Variants in HSPG2 observed in about 807,000 individuals in gnomAD.
HSPG2 encodes basement membrane-specific heparan sulfate proteoglycan core protein.
A neutral mutation model predicts 526.6 loss-of-function variants in HSPG2; 278 were observed. That is an observed-to-expected ratio of 0.53 (90% CI 0.48 to 0.58). HSPG2 has a LOEUF of 0.58. Among genes scored for constraint, HSPG2 ranks in the 20% least tolerant of loss-of-function variants. HSPG2 has a pLI of 0.00. For missense variants in HSPG2, 5,354 were observed against 6,099.5 expected (o/e 0.88, Z 4.07); for synonymous variants, 2,465 against 2,555.4 (o/e 0.96, Z 1.07).
chr1:21,823,970 C>A (rs2152682928), intron 95 of HSPG2, 151 bp downstream of exon 95: 1 of 861,734 alleles, frequency 1.2e-6, no homozygotes, highest in East Asian at 2.7e-5. Context: ...GAGATGGAAG[C>A]CCGAGCCCTG....
chr1:21,890,547 G>T lies in HSPG2; in HGVS notation c.354+38C>A, dbSNP rs754899953. On this transcript the variant is annotated intron_variant, in intron 4 of 96. Transcript: ENST00000374695. This position sits in a 1 kb window ranked among gnomAD's most constrained non-coding sequence, Gnocchi z 4.1. ...TTCACCCCATCCTCGGTCCTGCCCCGCCACACCCGCGAGCTTCCCAAACCC... is the reference window on the plus strand; with the variant it reads ...TTCACCCCATCCTCGGTCCTGCCCCTCCACACCCGCGAGCTTCCCAAACCC... 8 of 1,607,528 alleles carry T rather than the reference G, an allele frequency of 5.0e-6. No individual in the cohort carries two copies. In the South Asian group the frequency reaches 7.7e-5, roughly 15 times the overall value.
Position 21,843,388 on chromosome 1 carries a change from G to C in HSPG2, c.8667C>G (p.Gly2889=), listed in dbSNP as rs138583401. ...TTCCGGTCACTTGGCACGAGTACTC[G>C]CCAGAGTCAGCCGGGGACACCTGGT... The part of the protein sequence containing the change: ...RLNQVSPADS[G]EYSCQVTGSS... The change falls in exon 66 of 97, where the codon GGC becomes GGG. Residue 2889 remains glycine (G), a synonymous_variant. Coordinates refer to ENST00000374695, the MANE Select transcript of HSPG2 (RefSeq NM_005529.7). 3.1e-6 allele frequency: 5 copies of C among 1,613,762 alleles called. No homozygotes were observed. Among genetic ancestry groups the C allele is most frequent in the Non-Finnish European group, 4.2e-6 (5 of 1,179,934 alleles).
At chr1:21,856,035 G>C (rs1331272650) in intron 44 of HSPG2, 123 bp from the exon 45 acceptor site, 1 of 1,310,118 alleles carries the variant, frequency 7.6e-7, no homozygotes, top group Non-Finnish European at 1.0e-6. Context: ...GTGCACACAG[G>C]AGCCAGAGGG....
intron 28 of HSPG2, 68 bp downstream of exon 28, chr1:21,874,338 G>A: frequency 6.3e-7 from 1 of 1,595,884 alleles, no homozygotes. Context: ...GGCCCTGGAT[G>A]AAGCGGGTGT....
In HSPG2 at chr1:21,839,791, G is replaced by A; in HGVS notation, c.9709+31C>T. The stretch of plus-strand genomic sequence containing the variant: ...TCAGACCCCAGGGCATCCCTGCCCT[G>A]CCAGCCCTATGTGCCAGCCCTTGGT... On this transcript the variant is annotated intron_variant, in intron 72 of 96. Transcript: ENST00000374695. The surrounding 1 kb of genome is among the most constrained non-coding windows in gnomAD (Gnocchi z 4.5). 6.2e-7 allele frequency: 1 copy of A among 1,609,166 alleles called. No homozygotes were observed. The highest frequency in any genetic ancestry group is 8.5e-7 in the Non-Finnish European group (1 of 1,178,058).
intron 80 of HSPG2, chr1:21,832,856 G>C: frequency 1.7e-6 from 1 of 586,350 alleles, no homozygotes; most frequent in Non-Finnish European, 3.0e-6. Context: ...TCAAGGGGGA[G>C]AGGGAGGCAG....
chr1:21,896,098 T>C (rs1333633131), intron 2 of HSPG2, 77 bp downstream of exon 2: 27 of 1,607,570 alleles, frequency 1.7e-5, no homozygotes, highest in Non-Finnish European at 2.2e-5. Flanking sequence ...TCGGTCACCC[T>C]CCTCCCCCAT....
intron 70 of HSPG2, 61 bp from the exon 71 acceptor site, chr1:21,841,346 C>T: frequency 6.2e-7 from 1 of 1,601,156 alleles, no homozygotes; most frequent in South Asian, 1.1e-5. Flanking sequence ...ACCCACACTG[C>T]CATGGCCTCC....
intron 70 of HSPG2, 55 bp from the exon 71 acceptor site, chr1:21,841,340 A>G: frequency 6.2e-7 from 1 of 1,605,446 alleles, no homozygotes; most frequent in Non-Finnish European, 8.5e-7. Context: ...CTGCTCACCC[A>G]CACTGCCATG....
chr1:21,831,360 G>A, intron 83 of HSPG2, 36 bp from the exon 84 acceptor site: 5 of 1,607,250 alleles, frequency 3.1e-6, no homozygotes, highest in Non-Finnish European at 4.3e-6. Context: ...CACAGGGCAG[G>A]GTGTCCCAGC....
chr1:21,835,303 C>G, intron 76 of HSPG2: 1 of 604,462 alleles, frequency 1.7e-6, no homozygotes, highest in Non-Finnish European at 3.0e-6. Flanking sequence ...CTGATTCAAT[C>G]TTCATCGGTT....
In HSPG2 at chr1:21,898,340, C is replaced by T. The variant is rs751190137; in HGVS notation, c.64-2030G>A. Among the ~76,000 whole-genome samples the T allele has an allele frequency of 3.3e-5, 5 of 152,346 alleles. No homozygotes were observed. Among genetic ancestry groups the T allele is most frequent in the African/African-American group, 7.2e-5 (3 of 41,572 alleles). ...AAAGCCCTTACCCCCAACAATCCAG[C>T]GGCAAATGTTGCCTCCTGTTCCTTC... On this transcript the variant is annotated intron_variant, in intron 1 of 96. Transcript: ENST00000374695. This position sits in a 1 kb window ranked among gnomAD's most constrained non-coding sequence, Gnocchi z 4.0.
At position 21,833,290 on chromosome 1, in the gene HSPG2, G is replaced by A. The variant is rs562839895; in HGVS notation, c.11073C>T (p.Thr3691=). 3.7e-6 allele frequency: 6 copies of A among 1,614,154 alleles called. No individual in the cohort carries two copies. In the African/African-American group the frequency reaches 5.3e-5, roughly 14 times the overall value. ...DAYRKFEIKI[T]FRPDSADGML... Reference sequence around the variant, plus strand: ...CACCATCGGCTGAGTCGGGCCGGAAGGTGATCTTGATCTCGAACTTCCTGT... The same window carrying A: ...CACCATCGGCTGAGTCGGGCCGGAAAGTGATCTTGATCTCGAACTTCCTGT... Residue 3691 remains threonine, a synonymous_variant, in exon 80 of 97, where the codon ACC becomes ACT. Transcript: ENST00000374695.
chr1:21,866,776 C>T (rs1640262260), intron 33 of HSPG2, among the ~76,000 whole-genome samples: 1 of 152,210 alleles, frequency 6.6e-6, no homozygotes, highest in Non-Finnish European at 1.5e-5. Flanking sequence ...CATCTCAATA[C>T]CAAACTGCAT....
intron 33 of HSPG2, chr1:21,870,389 A>G: frequency 3.2e-6 from 2 of 629,610 alleles, no homozygotes; most frequent in Non-Finnish European, 3.9e-6. Context: ...AGGGTCCTCT[A>G]CCCACGGACA....
chr1:21,883,850 G>A (rs1641679523), intron 13 of HSPG2, among the ~76,000 whole-genome samples: 2 of 152,166 alleles, frequency 1.3e-5, no homozygotes, highest in African/African-American at 4.8e-5. Flanking sequence ...CAGCCATCCT[G>A]CCATTCTGCC....
rs552630746 is a variant in HSPG2 at position 21,858,020 on chromosome 1, C to G, written c.5294-635G>C. Among the ~76,000 whole-genome samples the G allele has an allele frequency of 6.6e-6, 1 of 152,174 alleles. No homozygotes were observed. Among genetic ancestry groups the G allele is most frequent in the Non-Finnish European group, 1.5e-5 (1 of 68,012 alleles). ...CGATCACTTCGGTCCAGAGTGCATT[C>G]TAGGATTTCCCATTTCCGAAAACTC... On this transcript the variant is annotated intron_variant, in intron 42 of 96. Coordinates refer to ENST00000374695, the MANE Select transcript of HSPG2 (RefSeq NM_005529.7). This position sits in a 1 kb window ranked among gnomAD's most constrained non-coding sequence, Gnocchi z 4.2.
chr1:21,911,804 C>T (rs1372125751), intron 1 of HSPG2, among the ~76,000 whole-genome samples: 2 of 152,184 alleles, frequency 1.3e-5, no homozygotes, highest in Non-Finnish European at 2.9e-5. Context: ...ATCTCAGCCC[C>T]CTCAGCTGCC....
In HSPG2 at chr1:21,896,278, C is replaced by G. The variant is rs185790675; in HGVS notation, c.96G>C (p.Leu32Phe). 1.1e-5 allele frequency: 17 copies of G among 1,613,842 alleles called. No individual in the cohort carries two copies. The highest frequency in any genetic ancestry group is 1.4e-5 in the Non-Finnish European group (16 of 1,179,996). The change falls in exon 2 of 97, where the codon TTG (leucine) becomes TTC (phenylalanine). Residue 32 changes from leucine (L) to phenylalanine (F), a missense_variant. Physicochemically the swap from Leu to Phe is conservative, Grantham distance 22. Coordinates refer to ENST00000374695, the MANE Select transcript of HSPG2 (RefSeq NM_005529.7). ...CGGTCTCTATGTCCTCAGGCAGAGA[C>G]AAGCCATCGTATGCCCTCAGCCCAT... ...VTHGLRAYDG[L>F]SLPEDIETVT...
Sources: allele counts gnomAD v4.1 joint callset (sites outside exome capture counted in the v4.1 genomes callset), GRCh38; gene constraint gnomAD v4.1.1; non-coding constraint Gnocchi (gnomAD v3.1); transcripts MANE v1.5; gene names NCBI Gene and HGNC (gene_info 2026-07-23, HGNC 2026-07-21).